The following BORCS5 variants were observed in gnomAD, a reference collection of about 807,000 sequenced individuals.
BORCS5 encodes BLOC-1-related complex subunit 5.
In BORCS5, 17 loss-of-function variants were observed where a neutral mutation model predicts 22.1. That is an observed-to-expected ratio of 0.77 (90% CI 0.53 to 1.15). The LOEUF is 1.15. BORCS5 is among the 50% of genes most tolerant of loss of function. The pLI, the probability that BORCS5 is intolerant of heterozygous loss-of-function variation, is 0.00. For missense variants in BORCS5, 247 were observed against 253.2 expected, an observed-to-expected ratio of 0.98 and a Z score of 0.17; for synonymous variants, 117 against 99.8, an observed-to-expected ratio of 1.17 and a Z score of -1.03.
At chr12:12,388,969 ATTTT>A in intron 2 of BORCS5, among the ~76,000 whole-genome samples, 1 of 150,944 alleles carries the variant, frequency 6.6e-6, no homozygotes, top group Non-Finnish European at 1.5e-5. Flanking sequence ...TTTTGGCCTC[ATTTT>A]TATCCCTACT....
chr12:12,452,295 G>T, intron 3 of BORCS5: 1 of 767,224 alleles, frequency 1.3e-6, no homozygotes, highest in Non-Finnish European at 2.2e-6. Flanking sequence ...ATTCATGTTT[G>T]TCTCCAATAC....
At chr12:12,403,483 G>T (rs965877608) in intron 2 of BORCS5, among the ~76,000 whole-genome samples, 3 of 152,178 alleles carry the variant, frequency 2.0e-5, no homozygotes, top group African/African-American at 4.8e-5. Flanking sequence ...GCTGTGGGGG[G>T]CACCTTCCTG....
intron 2 of BORCS5, among the ~76,000 whole-genome samples, chr12:12,375,244 C>T (rs1332755130): frequency 3.3e-5 from 5 of 152,320 alleles, no homozygotes. Flanking sequence ...AATTCCTGAC[C>T]TCAGGTGATC....
At chr12:12,403,415 C>T (rs762835070) in intron 2 of BORCS5, among the ~76,000 whole-genome samples, 1 of 152,198 alleles carries the variant, frequency 6.6e-6, no homozygotes, top group Non-Finnish European at 1.5e-5. Flanking sequence ...TGCTCTTCCC[C>T]GTGGCTTGGG....
At position 12,373,268 on chromosome 12, in the gene BORCS5, C is replaced by T. The variant is rs117981427; in HGVS notation, c.202+11919C>T. 3.5e-4 allele frequency among the ~76,000 whole-genome samples: 53 copies of T among 152,300 alleles called. No homozygotes were observed. In the East Asian group the frequency reaches 8.1e-3, roughly 23 times the overall value. The stretch of plus-strand genomic sequence containing the variant: ...GCTAGCACCTAAATCTTGTACTTCC[C>T]AGCCTCCAGAACTGTGAGAAATAAA... On this transcript the variant is annotated intron_variant, in intron 2 of 3. Transcript: ENST00000314565.
intron 2 of BORCS5, among the ~76,000 whole-genome samples, chr12:12,377,176 C>CTT (rs34400274): frequency 1.4e-4 from 19 of 140,050 alleles, no homozygotes; most frequent in Middle Eastern, 3.7e-3. Context: ...AGATTTTGTC[C>CTT]TTTTTTTTTT....
At chr12:12,366,173 C>A (rs1863402715) in intron 2 of BORCS5, among the ~76,000 whole-genome samples, 1 of 152,158 alleles carries the variant, frequency 6.6e-6, no homozygotes, top group East Asian at 1.9e-4. Context: ...AAGCCTGTAC[C>A]CCCCAGGTTT....
intron 2 of BORCS5, among the ~76,000 whole-genome samples, chr12:12,408,549 A>G (rs1450776241): frequency 1.3e-5 from 2 of 152,192 alleles, no homozygotes; most frequent in African/African-American, 4.8e-5. Flanking sequence ...TTAAACAGCA[A>G]CTTCCTATCC....
intron 2 of BORCS5, among the ~76,000 whole-genome samples, chr12:12,415,348 A>ACCAGCCCGG (rs1941906845): frequency 1.3e-5 from 2 of 150,586 alleles, no homozygotes; most frequent in Non-Finnish European, 3.0e-5. Flanking sequence ...GGAGCTGGAG[A>ACCAGCCCGG]CCAGCCCGGC....
chr12:12,410,294 C>T (rs1307860657), intron 2 of BORCS5, among the ~76,000 whole-genome samples: 16 of 152,166 alleles, frequency 1.1e-4, no homozygotes, highest in Admixed American at 8.5e-4. Context: ...GACATGAAGT[C>T]CTTGCCCATG....
Position 12,470,229 on chromosome 12 carries a change from C to G in BORCS5, c.*4453C>G, listed in dbSNP as rs746216648. ...GGGACTACAGGTGCCCGCCACCACA[C>G]CCGGCTAATTTTTTATTTTTAGTAG... is the stretch of plus-strand genomic sequence containing the variant. On this transcript the variant is annotated 3_prime_UTR_variant, in exon 4 of 4. Transcript: ENST00000314565. Among the ~76,000 whole-genome samples, 1 of 152,170 alleles carries G rather than the reference C, an allele frequency of 6.6e-6. No homozygotes were observed. Among genetic ancestry groups the G allele is most frequent in the Non-Finnish European group, 1.5e-5 (1 of 68,032 alleles).
At chr12:12,383,456 A>AT (rs932651156) in intron 2 of BORCS5, among the ~76,000 whole-genome samples, 11 of 151,426 alleles carry the variant, frequency 7.3e-5, no homozygotes, top group Admixed American at 6.6e-4. Context: ...CATATTTACA[A>AT]TTTTTGGTGT....
At chr12:12,376,650 A>G (rs557276671) in intron 2 of BORCS5, among the ~76,000 whole-genome samples, 1 of 152,356 alleles carries the variant, frequency 6.6e-6, no homozygotes, top group South Asian at 2.1e-4. Context: ...AGGAGAAGGA[A>G]AAAATAAATC....
intron 2 of BORCS5, among the ~76,000 whole-genome samples, chr12:12,401,728 A>G (rs6488521): frequency 6.6e-6 from 1 of 151,962 alleles, no homozygotes; most frequent in Non-Finnish European, 1.5e-5. Flanking sequence ...TTAAAATTCT[A>G]TTGTGGCATT....
intron 2 of BORCS5, among the ~76,000 whole-genome samples, chr12:12,426,773 G>T (rs1942297774): frequency 6.6e-6 from 1 of 152,200 alleles, no homozygotes; most frequent in Non-Finnish European, 1.5e-5. Context: ...AAGATAAATT[G>T]TCCAGATTCA....
At chr12:12,386,670 A>G (rs1350197949) in intron 2 of BORCS5, among the ~76,000 whole-genome samples, 1 of 149,308 alleles carries the variant, frequency 6.7e-6, no homozygotes, top group Non-Finnish European at 1.5e-5. Flanking sequence ...GGGCTCCACT[A>G]TGTTGGCCAG....
At chr12:12,414,957 C>T (rs1264438601) in intron 2 of BORCS5, among the ~76,000 whole-genome samples, 11 of 132,942 alleles carry the variant, frequency 8.3e-5, no homozygotes, top group East Asian at 2.0e-4. Flanking sequence ...GATGGGCGGC[C>T]GGGCAGAGAC....
chr12:12,386,774 C>T lies in BORCS5; in HGVS notation c.202+25425C>T, dbSNP rs117511415. 5.6e-3 allele frequency among the ~76,000 whole-genome samples: 843 copies of T among 151,398 alleles called. 25 individuals carry two copies. The East Asian group carries it at 0.061, about 11-fold the overall frequency. On this transcript the variant is annotated intron_variant, in intron 2 of 3. Transcript: ENST00000314565. Reference sequence around the variant, plus strand: ...TGCCAGCCACCGTGCCCGGCCTTTGCTCCTGTTCTTTATTCCTTCCTCCCT... The same window carrying T: ...TGCCAGCCACCGTGCCCGGCCTTTGTTCCTGTTCTTTATTCCTTCCTCCCT...
intron 3 of BORCS5, among the ~76,000 whole-genome samples, chr12:12,443,684 C>T (rs1565921012): frequency 6.6e-6 from 1 of 152,184 alleles, no homozygotes; most frequent in African/African-American, 2.4e-5. Flanking sequence ...GAGCAGAGCC[C>T]GGTTATTTGA....
Sources: allele counts gnomAD v4.1 joint callset (sites outside exome capture counted in the v4.1 genomes callset), GRCh38; gene constraint gnomAD v4.1.1; transcripts MANE v1.5; gene names NCBI Gene and HGNC (gene_info 2026-07-23, HGNC 2026-07-21).